PKP2: variants seen among roughly 807,000 people sequenced by gnomAD.
PKP2 encodes the protein plakophilin 2, also known as plakophilin-2.
In PKP2, 73 loss-of-function variants were observed where a neutral mutation model predicts 83.4. The observed-to-expected ratio is 0.88, with a 90% CI of 0.72 to 1.06. The LOEUF (loss-of-function observed/expected upper bound fraction) is 1.06, where lower values mean the gene tolerates loss of function less well. Among genes scored for constraint, PKP2 ranks in the 50% least tolerant of loss-of-function variants. The pLI, the probability that PKP2 is intolerant of heterozygous loss-of-function variation, is 0.00. For missense variants in PKP2, 966 were observed against 1,065.4 expected, an observed-to-expected ratio of 0.91 and a Z score of 1.30; for synonymous variants, 409 against 430.4, an observed-to-expected ratio of 0.95 and a Z score of 0.62.
intron 4 of PKP2, among the ~76,000 whole-genome samples, chr12:32,864,565 G>A (rs1956830399): frequency 6.6e-6 from 1 of 152,034 alleles, no homozygotes; most frequent in Non-Finnish European, 1.5e-5. Flanking sequence ...CCATGGTCAT[G>A]GGTCACAAGA....
In PKP2 at chr12:32,878,312, C is replaced by G. The variant is rs772384894; in HGVS notation, c.568G>C (p.Val190Leu). 5 of 1,612,414 alleles carry G rather than the reference C, an allele frequency of 3.1e-6. No homozygotes were observed. In the East Asian group the frequency reaches 8.9e-5, roughly 29 times the overall value. The change falls in exon 3 of 13, where the codon GTG becomes CTG. Residue 190 changes from valine to leucine, a missense_variant. Val to Leu is a conservative substitution (Grantham distance 32, BLOSUM62 1). Transcript: ENST00000340811. The stretch of plus-strand genomic sequence containing the variant: ...TCGGAACGAGCATATCTCGGTGGCA[C>G]TAGGAGGGCGGCCCGCCTGCTTTCT... ...HQESRRAALL[V>L]PPRYARSEIV...
chr12:32,844,255 T>C (rs1284495426), intron 5 of PKP2, among the ~76,000 whole-genome samples: 5 of 152,232 alleles, frequency 3.3e-5, no homozygotes, highest in Admixed American at 2.6e-4. Context: ...AGATGTTCAA[T>C]AGAGATTCAG....
Position 32,876,218 on chromosome 12 carries a change from A to G in PKP2, c.1034+1628T>C, listed in dbSNP as rs550734978. ...ATAGTGTCTGCTTAGGATGTAGCAG[A>G]TAAGGCCATCATTGCTACATTTGTC... On this transcript the variant is annotated intron_variant, in intron 3 of 12. Transcript: ENST00000340811. Among the ~76,000 whole-genome samples, 69 of 152,258 alleles carry G rather than the reference A, an allele frequency of 4.5e-4. 1 individual carries two copies. Among genetic ancestry groups the G allele is most frequent in the African/African-American group, 1.5e-3 (63 of 41,546 alleles).
At chr12:32,861,075 A>C (rs1019033206) in intron 4 of PKP2, among the ~76,000 whole-genome samples, 1 of 148,486 alleles carries the variant, frequency 6.7e-6, no homozygotes, top group Non-Finnish European at 1.5e-5. Context: ...GAAAGGATCA[A>C]ACTGTTTCCA....
intron 3 of PKP2, among the ~76,000 whole-genome samples, chr12:32,877,543 T>C (rs895318670): frequency 6.6e-6 from 1 of 152,040 alleles, no homozygotes; most frequent in Non-Finnish European, 1.5e-5. Context: ...TACTTTGGAG[T>C]TTAGAGCAGA....
rs397517002 is a variant in PKP2, at chr12:32,841,056, T to C, written c.1528A>G (p.Ile510Val). 70 of 1,613,752 alleles carry C rather than the reference T, an allele frequency of 4.3e-5. No homozygotes were observed. The highest frequency in any genetic ancestry group is 4.8e-5 in the Non-Finnish European group (57 of 1,179,870). Residue 510 changes from isoleucine to valine, a missense_variant, in exon 6 of 13, where the codon ATA (isoleucine) becomes GTA (valine). By Grantham distance (29) the Ile-to-Val change is conservative. Coordinates refer to ENST00000340811, the MANE Select transcript of PKP2 (RefSeq NM_001005242.3). ...PKANGLLDFD[I>V]FYNVTGCLRN... Reference sequence around the variant, plus strand: ...AGGCATCCAGTGACGTTGTAGAATATGTCAAAATCGAGCAAACCATTTGCT... The same window carrying C: ...AGGCATCCAGTGACGTTGTAGAATACGTCAAAATCGAGCAAACCATTTGCT...
intron 1 of PKP2, among the ~76,000 whole-genome samples, chr12:32,888,104 C>T (rs1311050034): frequency 4.6e-5 from 7 of 152,132 alleles, no homozygotes; most frequent in Non-Finnish European, 1.0e-4. Context: ...ATGGCTTGAG[C>T]CCGGGGGGCA....
intron 3 of PKP2, among the ~76,000 whole-genome samples, chr12:32,874,595 T>G (rs1956918213): frequency 6.6e-6 from 1 of 152,194 alleles, no homozygotes; most frequent in Non-Finnish European, 1.5e-5. Flanking sequence ...GATTAAATAT[T>G]ATAATACAAT....
chr12:32,833,911 T>G (rs1592743165), intron 6 of PKP2, among the ~76,000 whole-genome samples: 2 of 152,172 alleles, frequency 1.3e-5, no homozygotes, highest in African/African-American at 2.4e-5. Flanking sequence ...AAGTGGACGG[T>G]CAAGAAACTA....
chr12:32,824,295 C>T lies in PKP2; in HGVS notation c.1557-133G>A, dbSNP rs1466162849. On this transcript the variant is annotated intron_variant, in intron 6 of 12. Transcript: ENST00000340811. Reference sequence around the variant, plus strand: ...AATTTGTAAAAGTGTGGCAGACTTGCCCAGTCAACAAATCATTGACTGCTT... The same window carrying T: ...AATTTGTAAAAGTGTGGCAGACTTGTCCAGTCAACAAATCATTGACTGCTT... The T allele has an allele frequency of 1.7e-5, 12 of 718,976 alleles. No individual in the cohort carries two copies. The East Asian group carries it at 3.1e-4, about 19-fold the overall frequency. 44.5% of individuals were successfully genotyped at this position (718,976 alleles called of 1,614,324 possible). A position where few individuals can be genotyped will look rare whatever the true frequency, so the allele number is the denominator to read the frequency against.
intron 5 of PKP2, 41 bp from the exon 6 acceptor site, chr12:32,841,246 G>A (rs186175440): frequency 6.5e-7 from 1 of 1,535,116 alleles, no homozygotes; most frequent in Non-Finnish European, 9.0e-7. Flanking sequence ...GTGCAGGGTG[G>A]GACCAAAATG....
intron 1 of PKP2, among the ~76,000 whole-genome samples, chr12:32,890,175 G>C (rs372097715): frequency 6.7e-6 from 1 of 148,176 alleles, no homozygotes; most frequent in African/African-American, 2.5e-5. Context: ...TCTTTTATCT[G>C]TATGGCTTGT....
At chr12:32,878,615 T>C (rs962147497) in intron 2 of PKP2, 72 bp from the exon 3 acceptor site, 5 of 1,198,202 alleles carry the variant, frequency 4.2e-6, no homozygotes, top group Middle Eastern at 2.0e-4. Flanking sequence ...CTAATTACTC[T>C]GGGACTATTA....
intron 4 of PKP2, among the ~76,000 whole-genome samples, chr12:32,853,827 T>A (rs1300973759): frequency 6.6e-6 from 1 of 152,154 alleles, no homozygotes; most frequent in Non-Finnish European, 1.5e-5. Context: ...CTCCTTTTAA[T>A]AAGTTAAACT....
intron 4 of PKP2, among the ~76,000 whole-genome samples, chr12:32,860,055 G>A (rs1349444140): frequency 6.6e-6 from 1 of 152,118 alleles, no homozygotes; most frequent in Non-Finnish European, 1.5e-5. Context: ...ACATACAATG[G>A]TTTCAATAAC....
intron 11 of PKP2, among the ~76,000 whole-genome samples, chr12:32,793,069 C>T (rs1008621878): frequency 1.3e-5 from 2 of 152,028 alleles, no homozygotes; most frequent in African/African-American, 2.4e-5. Context: ...GGTGAAACCC[C>T]GTCTGTACTA....
chr12:32,878,637 C>T (rs1278318186), intron 2 of PKP2, 94 bp from the exon 3 acceptor site: 6 of 1,019,166 alleles, frequency 5.9e-6, no homozygotes, highest in South Asian at 3.0e-5. Context: ...CCAACATGTC[C>T]GTTTCTCTGA....
At chr12:32,881,907 G>C (rs1359428804) in intron 1 of PKP2, among the ~76,000 whole-genome samples, 1 of 152,164 alleles carries the variant, frequency 6.6e-6, no homozygotes, top group Non-Finnish European at 1.5e-5. Context: ...AGGCCTGCAA[G>C]GGCCAGGCTG....
intron 10 of PKP2, among the ~76,000 whole-genome samples, chr12:32,800,608 C>A (rs1305335467): frequency 1.3e-5 from 2 of 152,126 alleles, no homozygotes; most frequent in Admixed American, 1.3e-4. Context: ...CCCTAAGTTG[C>A]AATGTGGGAT....
Sources: gnomAD v4.1 joint callset for allele counts (sites outside exome capture counted in the v4.1 genomes callset) on GRCh38, gnomAD v4.1.1 for gene constraint, MANE v1.5 for transcripts, NCBI Gene and HGNC (gene_info 2026-07-23, HGNC 2026-07-21) for gene names.